The following TRPM6 variants were observed in gnomAD, a reference collection of about 807,000 sequenced individuals.
The protein encoded by TRPM6 is channel kinase 2.
A neutral mutation model predicts 247.6 loss-of-function variants in TRPM6; 111 were observed. The observed-to-expected ratio is 0.45, with a 90% CI of 0.38 to 0.52. The LOEUF is 0.52. TRPM6 is among the 20% of genes least tolerant of loss of function. The pLI is 0.00. For missense variants in TRPM6, 2,126 were observed against 2,421.5 expected (o/e 0.88, Z 2.56); for synonymous variants, 892 against 853.8 (o/e 1.04, Z -0.78).
chr9:74,757,068 C>T (rs1394497355), intron 27 of TRPM6, among the ~76,000 whole-genome samples: 2 of 151,538 alleles, frequency 1.3e-5, no homozygotes, highest in Admixed American at 1.3e-4. Flanking sequence ...GTCCCAGCTA[C>T]TTGGGAGGCT....
chr9:74,762,438 A>G lies in TRPM6; in HGVS notation c.4233T>C (p.Ala1411=), dbSNP rs777499821. 7 of 1,614,150 alleles carry G rather than the reference A, an allele frequency of 4.3e-6. No homozygotes were observed. The highest frequency in any genetic ancestry group is 5.9e-6 in the Non-Finnish European group (7 of 1,180,038). ...CCTTGTCTTGTCCATCCAGTAAGTG[A>G]GCAATAGGCTCGTGCTTTTCCTTGG... ...DEPKEKHEPI[A]HLLDGQDKAE... is the part of the protein sequence containing the mutation. The change falls in exon 26 of 39, where the codon GCT becomes GCC. Residue 1411 remains alanine, a synonymous_variant. Transcript: ENST00000360774.
intron 31 of TRPM6, among the ~76,000 whole-genome samples, chr9:74,744,584 G>A (rs557415741): frequency 6.6e-6 from 1 of 152,192 alleles, no homozygotes; most frequent in African/African-American, 2.4e-5. Flanking sequence ...ACAACAAAAT[G>A]CTGAAAACAC....
chr9:74,787,640 A>G (rs1827741253), intron 20 of TRPM6, among the ~76,000 whole-genome samples: 1 of 152,250 alleles, frequency 6.6e-6, no homozygotes, highest in East Asian at 1.9e-4. Context: ...AGAGGCATAC[A>G]TTGACATCTA....
At chr9:74,818,821 T>C (rs1179684196) in intron 9 of TRPM6, among the ~76,000 whole-genome samples, 8 of 151,978 alleles carry the variant, frequency 5.3e-5, no homozygotes, top group Non-Finnish European at 2.9e-5. Context: ...GTTTTCCACA[T>C]AGATTTCGTC....
At chr9:74,800,899 AGT>A (rs200152381) in intron 16 of TRPM6, among the ~76,000 whole-genome samples, 2,539 of 121,508 alleles carry the variant, frequency 0.021, 110 homozygotes, top group African/African-American at 0.082. Context: ...GACCTAATAA[AGT>A]GTGTTTTTTT....
chr9:74,837,064 C>A (rs1274106923), intron 5 of TRPM6, among the ~76,000 whole-genome samples: 4 of 152,216 alleles, frequency 2.6e-5, no homozygotes, highest in Non-Finnish European at 5.9e-5. Context: ...TCACTAAATT[C>A]AGGGTCCGTG....
intron 14 of TRPM6, 26 bp from the exon 15 acceptor site, chr9:74,803,912 G>A: frequency 7.3e-7 from 1 of 1,363,904 alleles, no homozygotes; most frequent in Non-Finnish European, 1.1e-6. Context: ...AACAAAGCTG[G>A]TCACTCTCTG....
At chr9:74,778,941 C>T (rs1281057143) in intron 23 of TRPM6, among the ~76,000 whole-genome samples, 2 of 152,184 alleles carry the variant, frequency 1.3e-5, no homozygotes, top group Non-Finnish European at 1.5e-5. Flanking sequence ...GTGACACCCA[C>T]AGCAGGAGCA....
At chr9:74,825,754 T>A (rs1829309425) in intron 7 of TRPM6, among the ~76,000 whole-genome samples, 1 of 152,106 alleles carries the variant, frequency 6.6e-6, no homozygotes, top group Non-Finnish European at 1.5e-5. Flanking sequence ...ATTATAGCGC[T>A]GCACAGAACC....
At position 74,864,432 on chromosome 9, in the gene TRPM6, G is replaced by T. The variant is rs371337143; in HGVS notation, c.34-5684C>A. Among the ~76,000 whole-genome samples the T allele has an allele frequency of 2.0e-5, 3 of 152,250 alleles. No individual in the cohort carries two copies. In the East Asian group the frequency reaches 5.8e-4, roughly 29 times the overall value. ...CCAAATTCTGCAAGGATACCTACCT[G>T]ACACTTGATCCGAGAGGGGCAGTCT... On this transcript the variant is annotated intron_variant, in intron 1 of 38. Transcript: ENST00000360774.
intron 3 of TRPM6, among the ~76,000 whole-genome samples, chr9:74,851,165 T>C (rs1206469838): frequency 6.6e-6 from 1 of 152,160 alleles, no homozygotes; most frequent in Non-Finnish European, 1.5e-5. Flanking sequence ...ACCTCCAAAA[T>C]TAAAAAATAT....
chr9:74,741,952 C>T (rs1345660668), intron 33 of TRPM6, among the ~76,000 whole-genome samples: 1 of 151,860 alleles, frequency 6.6e-6, no homozygotes, highest in Non-Finnish European at 1.5e-5. Context: ...CTGGTCTGCC[C>T]CCATGTGAAC....
chr9:74,856,110 C>A (rs1363867164), intron 2 of TRPM6, among the ~76,000 whole-genome samples: 1 of 151,902 alleles, frequency 6.6e-6, no homozygotes, highest in Admixed American at 6.6e-5. Flanking sequence ...TTCAGAAGAA[C>A]CTTATAGATT....
intron 18 of TRPM6, among the ~76,000 whole-genome samples, chr9:74,795,943 C>T (rs1227917754): frequency 5.3e-5 from 8 of 152,166 alleles, no homozygotes; most frequent in African/African-American, 1.7e-4. Context: ...TTATTACCCA[C>T]TATTACCACA....
intron 4 of TRPM6, among the ~76,000 whole-genome samples, chr9:74,841,736 C>G (rs1278975404): frequency 6.6e-6 from 1 of 152,132 alleles, no homozygotes; most frequent in Non-Finnish European, 1.5e-5. Context: ...AACTCCTGAC[C>G]TCAGGTGATC....
chr9:74,861,815 C>T (rs1157869787), intron 1 of TRPM6, among the ~76,000 whole-genome samples: 1 of 151,906 alleles, frequency 6.6e-6, no homozygotes, highest in African/African-American at 2.4e-5. Flanking sequence ...TCCTGACCTC[C>T]AAATTTCCCT....
intron 1 of TRPM6, among the ~76,000 whole-genome samples, chr9:74,858,999 C>T (rs1357568493): frequency 6.6e-6 from 1 of 152,180 alleles, no homozygotes; most frequent in Non-Finnish European, 1.5e-5. Flanking sequence ...AAAAGCCCTA[C>T]ATGAACAAAC....
At position 74,832,843 on chromosome 9, in the gene TRPM6, G is replaced by C. The variant is rs913086348; in HGVS notation, c.669+1155C>G. The stretch of plus-strand genomic sequence containing the variant: ...AGGCAGGCAGATCATCTGAGGTCAG[G>C]AGTTTGAGACCAGCCTAGCCAACAT... On this transcript the variant is annotated intron_variant, in intron 6 of 38. Coordinates refer to ENST00000360774, the MANE Select transcript of TRPM6 (RefSeq NM_017662.5). 2.2e-4 allele frequency among the ~76,000 whole-genome samples: 34 copies of C among 152,270 alleles called. No individual in the cohort carries two copies. The East Asian group carries it at 5.6e-3, about 25-fold the overall frequency.
intron 35 of TRPM6, among the ~76,000 whole-genome samples, chr9:74,739,118 C>T (rs1825780831): frequency 6.6e-6 from 1 of 152,206 alleles, no homozygotes; most frequent in Non-Finnish European, 1.5e-5. Flanking sequence ...TTTCCCATAA[C>T]TGAAATCTTA....
Sources: allele counts gnomAD v4.1 joint callset (sites outside exome capture counted in the v4.1 genomes callset), GRCh38; gene constraint gnomAD v4.1.1; transcripts MANE v1.5; gene names NCBI Gene and HGNC (gene_info 2026-07-23, HGNC 2026-07-21).